DPYD: variants seen among roughly 807,000 people sequenced by gnomAD.
The protein encoded by DPYD is dihydropyrimidine dehydrogenase [NADP(+)].
Under a neutral mutation model 116.2 loss-of-function variants are expected in DPYD, and 109 were observed. The observed-to-expected ratio is 0.94, with a 90% CI of 0.80 to 1.10. The LOEUF is 1.10. DPYD is among the 50% of genes least tolerant of loss of function. DPYD has a pLI of 0.00. For synonymous variants in DPYD, 440 were observed against 432.0 expected, an observed-to-expected ratio of 1.02 and a Z score of -0.23; for missense variants, 1,302 against 1,254.5, an observed-to-expected ratio of 1.04 and a Z score of -0.57.
At chr1:97,208,207 CTTCT>C (rs1439834549) in intron 19 of DPYD, among the ~76,000 whole-genome samples, 3 of 145,150 alleles carry the variant, frequency 2.1e-5, no homozygotes, top group African/African-American at 2.5e-5. Context: ...CTTCCTCTTT[CTTCT>C]TTCTCTTTGT....
chr1:97,810,622 GA>G lies in DPYD; in HGVS notation c.233+17491del, dbSNP rs1286710052. ...TCTCTCCAATCCCTGCACATTACTT[GA>G]GCTCTAATATCCATATTAGAGCTCT... On this transcript the variant is annotated intron_variant, in intron 3 of 22. Coordinates refer to ENST00000370192, the MANE Select transcript of DPYD (RefSeq NM_000110.4). Among the ~76,000 whole-genome samples, 3 of 151,806 alleles carry G rather than the reference GA, an allele frequency of 2.0e-5. No individual in the cohort carries two copies. In the East Asian group the frequency reaches 5.8e-4, roughly 29 times the overall value.
chr1:97,128,101 A>C (rs1004251230), intron 20 of DPYD, among the ~76,000 whole-genome samples: 4 of 152,184 alleles, frequency 2.6e-5, no homozygotes, highest in Admixed American at 6.5e-5. Context: ...TCTCACTGAA[A>C]CAGGCACTAA....
At chr1:97,863,373 T>A (rs981478748) in intron 2 of DPYD, among the ~76,000 whole-genome samples, 2 of 151,972 alleles carry the variant, frequency 1.3e-5, no homozygotes, top group African/African-American at 4.8e-5. Context: ...GAGAATAATT[T>A]GTCAGCATTC....
intron 8 of DPYD, among the ~76,000 whole-genome samples, chr1:97,650,768 T>C (rs1007217849): frequency 6.6e-6 from 1 of 152,142 alleles, no homozygotes; most frequent in Non-Finnish European, 1.5e-5. Context: ...ATTCCTATTA[T>C]GAATATTATC....
intron 15 of DPYD, among the ~76,000 whole-genome samples, chr1:97,376,649 C>T (rs532243538): frequency 1.8e-4 from 27 of 152,196 alleles, no homozygotes; most frequent in African/African-American, 6.5e-4. Flanking sequence ...GCTGAATTAG[C>T]ATGAAATGTT....
At chr1:97,079,513 C>A (rs910789971) in intron 22 of DPYD, among the ~76,000 whole-genome samples, 1 of 152,080 alleles carries the variant, frequency 6.6e-6, no homozygotes, top group Non-Finnish European at 1.5e-5. Context: ...GACTTTCACA[C>A]GTCCTCCTTT....
chr1:97,547,059 T>C, intron 12 of DPYD: 1 of 1,083,826 alleles, frequency 9.2e-7, no homozygotes. Context: ...AGAACTGATG[T>C]TGAGGGAGGT....
intron 16 of DPYD, among the ~76,000 whole-genome samples, chr1:97,343,694 A>G (rs12044858): frequency 0.16 from 23,559 of 151,942 alleles, 2,240 homozygotes; most frequent in East Asian, 0.38. Flanking sequence ...GTCTTCCATG[A>G]GAATTTTTTT....
intron 20 of DPYD, among the ~76,000 whole-genome samples, chr1:97,170,638 C>T (rs886283661): frequency 5.3e-5 from 8 of 151,948 alleles, no homozygotes; most frequent in African/African-American, 1.9e-4. Context: ...CTTCATTATT[C>T]TCTGGCTGTC....
Position 97,670,729 on chromosome 1 carries a change from T to A in DPYD, c.850+8366A>T, listed in dbSNP as rs578113355. Reference sequence around the variant, plus strand: ...AATGATAATTATCTCCCACAAAAAATGTAACTGGCAGCCATAAATAGCAGT... The same window carrying A: ...AATGATAATTATCTCCCACAAAAAAAGTAACTGGCAGCCATAAATAGCAGT... On this transcript the variant is annotated intron_variant, in intron 8 of 22. Coordinates refer to ENST00000370192, the MANE Select transcript of DPYD (RefSeq NM_000110.4). 1.5e-3 allele frequency among the ~76,000 whole-genome samples: 223 copies of A among 151,754 alleles called. 1 individual carries two copies. The highest frequency in any genetic ancestry group is 1.8e-3 in the Non-Finnish European group (122 of 67,822).
At chr1:97,720,030 T>G (rs1662829738) in intron 5 of DPYD, 1 of 985,028 alleles carries the variant, frequency 1.0e-6, no homozygotes, top group Non-Finnish European at 1.2e-6. Flanking sequence ...GACTCTGCTC[T>G]GGGAATGAGT....
At chr1:97,177,480 T>C (rs1036857717) in intron 20 of DPYD, among the ~76,000 whole-genome samples, 48 of 151,920 alleles carry the variant, frequency 3.2e-4, no homozygotes, top group African/African-American at 1.1e-3. Flanking sequence ...GAAAAGCAAG[T>C]AAGAAACGAA....
At chr1:97,699,701 A>G (rs549617407) in intron 5 of DPYD, among the ~76,000 whole-genome samples, 154 bp from the exon 6 acceptor site, 8 of 152,182 alleles carry the variant, frequency 5.3e-5, no homozygotes, top group African/African-American at 9.6e-5. Context: ...TATTGTGTCA[A>G]GTAGATGAGG....
At chr1:97,437,518 T>A (rs1675534161) in intron 14 of DPYD, among the ~76,000 whole-genome samples, 1 of 151,862 alleles carries the variant, frequency 6.6e-6, no homozygotes, top group South Asian at 2.1e-4. Context: ...CTATGAACAT[T>A]CCCGTACAAG....
intron 20 of DPYD, among the ~76,000 whole-genome samples, chr1:97,157,122 T>C (rs1366203167): frequency 1.9e-5 from 1 of 53,384 alleles, no homozygotes; most frequent in African/African-American, 7.9e-5. Context: ...TGTTGTGGGG[T>C]GGGGGGAGGG....
chr1:97,399,960 C>A (rs1040028623), intron 14 of DPYD, among the ~76,000 whole-genome samples: 1 of 152,152 alleles, frequency 6.6e-6, no homozygotes, highest in South Asian at 2.1e-4. Flanking sequence ...TGCCTAATTG[C>A]CCTGGCCAGA....
chr1:97,186,676 C>T (rs543668801), intron 20 of DPYD, among the ~76,000 whole-genome samples: 10 of 152,194 alleles, frequency 6.6e-5, no homozygotes, highest in Non-Finnish European at 1.5e-4. Context: ...TGGAGGAACG[C>T]TGTCTCTACT....
chr1:97,140,989 A>G (rs1654174213), intron 20 of DPYD, among the ~76,000 whole-genome samples: 1 of 152,160 alleles, frequency 6.6e-6, no homozygotes, highest in Non-Finnish European at 1.5e-5. Flanking sequence ...TGTAAGTGTG[A>G]GCTGAGTGGA....
chr1:97,379,862 G>A (rs916119328), intron 15 of DPYD, among the ~76,000 whole-genome samples: 2 of 152,136 alleles, frequency 1.3e-5, no homozygotes, highest in Non-Finnish European at 2.9e-5. Context: ...TGAGAGAATG[G>A]GTGATTCTAT....
Sources: allele counts gnomAD v4.1 joint callset (sites outside exome capture counted in the v4.1 genomes callset), GRCh38; gene constraint gnomAD v4.1.1; transcripts MANE v1.5; gene names NCBI Gene and HGNC (gene_info 2026-07-23, HGNC 2026-07-21).